The following PCLO variants were observed in gnomAD, a reference collection of about 807,000 sequenced individuals.
PCLO encodes the protein piccolo presynaptic cytomatrix protein, also known as protein piccolo.
In PCLO, 82 loss-of-function variants were observed where a neutral mutation model predicts 427.5. That is an observed-to-expected ratio of 0.19 (90% CI 0.16 to 0.23). The LOEUF (loss-of-function observed/expected upper bound fraction) is 0.23. Among genes scored for constraint, PCLO ranks in the 10% least tolerant of loss-of-function variants. PCLO has a pLI of 1.00. For missense variants in PCLO, 6,239 were observed against 6,115.9 expected (o/e 1.02, Z -0.67); for synonymous variants, 2,357 against 2,155.4 (o/e 1.09, Z -2.59).
intron 22 of PCLO, among the ~76,000 whole-genome samples, chr7:82,789,138 T>A (rs546987227): frequency 1.3e-5 from 2 of 152,244 alleles, no homozygotes; most frequent in East Asian, 3.9e-4. Flanking sequence ...TGTTAATCCA[T>A]GTTCCTAAAG....
chr7:82,932,710 T>G (rs930599908), intron 6 of PCLO, among the ~76,000 whole-genome samples: 9 of 152,068 alleles, frequency 5.9e-5, no homozygotes, highest in Non-Finnish European at 1.2e-4. Flanking sequence ...TTCTGATGAC[T>G]TTTACTACAT....
intron 22 of PCLO, among the ~76,000 whole-genome samples, chr7:82,763,947 A>G (rs559362844): frequency 6.6e-6 from 1 of 152,074 alleles, no homozygotes; most frequent in South Asian, 2.1e-4. Flanking sequence ...ACAAAGTTTG[A>G]CTCTCTCAGA....
At chr7:82,926,868 A>G (rs1317879250) in intron 6 of PCLO, among the ~76,000 whole-genome samples, 1 of 152,022 alleles carries the variant, frequency 6.6e-6, no homozygotes, top group African/African-American at 2.4e-5. Context: ...ATGTGAATGT[A>G]TGTGTACATT....
Position 83,155,427 on chromosome 7 carries a change from G to A in PCLO, c.1214C>T (p.Pro405Leu). Residue 405 changes from proline to leucine, a missense_variant, in exon 2 of 25, where the codon CCA (proline) becomes CTA (leucine). Around this residue, in one of 5 missense-constraint regions of PCLO, gnomAD observed 4,677 missense variants for 4,468.4 expected, o/e 1.05. Transcript: ENST00000333891. ...PGVGKTPAQQ[P>L]GPAKPPTQQV... is the part of the protein sequence containing the mutation. ...CTGGGTTGGAGGCTTTGCTGGCCCT[G>A]GCTGTTGAGCTGGAGTCTTTCCAAC... 1 of 1,613,926 alleles carries A rather than the reference G, an allele frequency of 6.2e-7. No individual in the cohort carries two copies. The highest frequency in any genetic ancestry group is 8.5e-7 in the Non-Finnish European group (1 of 1,179,884).
intron 10 of PCLO, among the ~76,000 whole-genome samples, chr7:82,856,503 T>C (rs970259411): frequency 1.3e-5 from 2 of 152,130 alleles, no homozygotes; most frequent in Non-Finnish European, 2.9e-5. Context: ...TCATTCTATG[T>C]GTTATTTGGA....
intron 3 of PCLO, among the ~76,000 whole-genome samples, chr7:82,973,001 A>G (rs2115714884): frequency 6.6e-6 from 1 of 152,182 alleles, no homozygotes; most frequent in Non-Finnish European, 1.5e-5. Flanking sequence ...TTTACAATTC[A>G]ATGTGACATT....
intron 3 of PCLO, among the ~76,000 whole-genome samples, chr7:83,020,430 C>A (rs1306793712): frequency 6.6e-6 from 1 of 152,068 alleles, no homozygotes; most frequent in Non-Finnish European, 1.5e-5. Flanking sequence ...GTTATTAAAT[C>A]ATGCAGGATC....
intron 20 of PCLO, among the ~76,000 whole-genome samples, chr7:82,807,847 C>T (rs1339130207): frequency 6.6e-6 from 1 of 151,816 alleles, no homozygotes; most frequent in African/African-American, 2.4e-5. Flanking sequence ...GTTAAACAAC[C>T]AGTCATCAAG....
At chr7:82,807,641 T>C (rs925907238) in intron 20 of PCLO, among the ~76,000 whole-genome samples, 4 of 151,932 alleles carry the variant, frequency 2.6e-5, no homozygotes, top group Non-Finnish European at 5.9e-5. Flanking sequence ...TAGCAGGTTC[T>C]CTAAAGCCAC....
At chr7:82,798,742 C>T (rs1859176) in intron 22 of PCLO, among the ~76,000 whole-genome samples, 54,768 of 151,918 alleles carry the variant, frequency 0.36, 10,464 homozygotes, top group African/African-American at 0.46. Flanking sequence ...CATATAGATA[C>T]GTAGATTATA....
At chr7:83,023,121 T>C (rs1335815457) in intron 3 of PCLO, among the ~76,000 whole-genome samples, 1 of 152,168 alleles carries the variant, frequency 6.6e-6, no homozygotes, top group Non-Finnish European at 1.5e-5. Context: ...CCTGCAAAAT[T>C]TGTCAAAAAA....
In PCLO at chr7:82,953,286, G is replaced by T; in HGVS notation, c.7667C>A (p.Ser2556Tyr). 2 of 1,613,870 alleles carry T rather than the reference G, an allele frequency of 1.2e-6. No homozygotes were observed. Among genetic ancestry groups the T allele is most frequent in the Non-Finnish European group, 1.7e-6 (2 of 1,179,854 alleles). Residue 2556 changes from serine to tyrosine, a missense_variant, in exon 5 of 25, where the codon TCC becomes TAC. Around this residue, in one of 5 missense-constraint regions of PCLO, gnomAD observed 4,677 missense variants for 4,468.4 expected, o/e 1.05. Coordinates refer to ENST00000333891, the MANE Select transcript of PCLO (RefSeq NM_033026.6). ...GTGTGGGGAAAGTGGGGAGGTAGGG[G>T]AAGGCAATTTATAATCTGCTGAAGT... ...LVTSADYKLP[S>Y]PTSPLSPHSN...
chr7:83,161,942 C>T (rs1164671013), intron 1 of PCLO, among the ~76,000 whole-genome samples: 1 of 152,128 alleles, frequency 6.6e-6, no homozygotes, highest in African/African-American at 2.4e-5. Flanking sequence ...AAAAGACCCG[C>T]AATGGCCAAG....
At chr7:82,823,640 TGGCAC>T (rs1246889660) in intron 19 of PCLO, among the ~76,000 whole-genome samples, 1 of 152,160 alleles carries the variant, frequency 6.6e-6, no homozygotes, top group African/African-American at 2.4e-5. Context: ...ACCCAATGTA[TGGCAC>T]TGTTATTTAA....
chr7:82,810,893 CT>C (rs1363807875), intron 20 of PCLO, among the ~76,000 whole-genome samples: 7 of 151,674 alleles, frequency 4.6e-5, no homozygotes, highest in African/African-American at 1.7e-4. Flanking sequence ...GTAGACTTCA[CT>C]TTTACTACTT....
At chr7:82,970,386 C>T (rs898590680) in intron 3 of PCLO, among the ~76,000 whole-genome samples, 2 of 151,806 alleles carry the variant, frequency 1.3e-5, no homozygotes, top group Non-Finnish European at 2.9e-5. Flanking sequence ...GGTTACCTAC[C>T]TATGTTGGTA....
At chr7:82,889,175 C>T (rs1002673265) in intron 9 of PCLO, among the ~76,000 whole-genome samples, 3 of 152,052 alleles carry the variant, frequency 2.0e-5, no homozygotes, top group East Asian at 1.9e-4. Flanking sequence ...GCACAACCCC[C>T]GTGTGGCTCT....
Position 82,951,752 on chromosome 7 carries a change from A to C in PCLO, c.9097+104T>G, listed in dbSNP as rs1795355629. 3 of 1,456,890 alleles carry C rather than the reference A, an allele frequency of 2.1e-6. No homozygotes were observed. In the South Asian group the frequency reaches 4.3e-5, roughly 21 times the overall value. The allele number at this position is 1,456,890 out of a possible 1,614,324, so 90.2% of individuals were successfully genotyped here. On this transcript the variant is annotated intron_variant, in intron 5 of 24. Coordinates refer to ENST00000333891, the MANE Select transcript of PCLO (RefSeq NM_033026.6). The stretch of plus-strand genomic sequence containing the variant: ...CTGCTATAACATCCAAAGAAAGAGA[A>C]AAAGTAACAAAACTGGAAAAGAAGC...
intron 20 of PCLO, among the ~76,000 whole-genome samples, chr7:82,816,474 C>G (rs1232871686): frequency 2.0e-5 from 3 of 152,042 alleles, no homozygotes; most frequent in African/African-American, 7.2e-5. Flanking sequence ...TGTCTTACTT[C>G]CACAGGTCCT....
Sources: gnomAD v4.1 joint callset for allele counts (sites outside exome capture counted in the v4.1 genomes callset) on GRCh38, gnomAD v4.1.1 for gene constraint, gnomAD v4.1.1 regional missense constraint, MANE v1.5 for transcripts, NCBI Gene and HGNC (gene_info 2026-07-23, HGNC 2026-07-21) for gene names.